The following C9orf153 variants were observed in gnomAD, a reference collection of about 807,000 sequenced individuals.
C9orf153 encodes the protein chromosome 9 open reading frame 153, also known as uncharacterized protein C9orf153.
Under a neutral mutation model 9.0 loss-of-function variants are expected in C9orf153, and 10 were observed. The ratio of observed to expected loss-of-function variants is 1.11; its 90% CI spans 0.69 to 1.89. C9orf153 has a LOEUF of 1.89. C9orf153 is among the 40% of genes most tolerant of loss of function. The pLI, the probability that C9orf153 is intolerant of heterozygous loss-of-function variation, is 0.00. For missense variants in C9orf153, 108 were observed against 111.0 expected, an observed-to-expected ratio of 0.97 and a Z score of 0.12; for synonymous variants, 35 against 37.3, an observed-to-expected ratio of 0.94 and a Z score of 0.23.
intron 1 of C9orf153, among the ~76,000 whole-genome samples, chr9:86,257,797 G>A (rs557434861): frequency 6.6e-6 from 1 of 152,170 alleles, no homozygotes; most frequent in Non-Finnish European, 1.5e-5. Context: ...AAAAGTCTGT[G>A]GTCTTGGCCA....
chr9:86,224,902 C>G (rs1824288218), intron 3 of C9orf153, among the ~76,000 whole-genome samples: 1 of 138,180 alleles, frequency 7.2e-6, no homozygotes, highest in South Asian at 2.3e-4. Flanking sequence ...GATTGTGCCA[C>G]TGCACTCCAG....
At chr9:86,222,097 A>T (rs567944345) in intron 3 of C9orf153, among the ~76,000 whole-genome samples, 2 of 152,114 alleles carry the variant, frequency 1.3e-5, no homozygotes, top group Non-Finnish European at 2.9e-5. Flanking sequence ...CATGTTGGCC[A>T]GGCTAGTCTC....
chr9:86,225,290 A>C (rs915391618), intron 3 of C9orf153, among the ~76,000 whole-genome samples: 3 of 152,028 alleles, frequency 2.0e-5, no homozygotes, highest in Non-Finnish European at 2.9e-5. Context: ...CTTCACTTAG[A>C]TTCCTGCCTG....
At chr9:86,248,541 G>A (rs950471130) in intron 1 of C9orf153, among the ~76,000 whole-genome samples, 2 of 152,122 alleles carry the variant, frequency 1.3e-5, no homozygotes, top group African/African-American at 4.8e-5. Context: ...TGTACACAAA[G>A]GGTCTCATTT....
At chr9:86,243,907 G>C (rs1314948186) in intron 1 of C9orf153, among the ~76,000 whole-genome samples, 1 of 152,182 alleles carries the variant, frequency 6.6e-6, no homozygotes, top group Non-Finnish European at 1.5e-5. Context: ...CTATGGCCTA[G>C]ATCTGCATGA....
chr9:86,233,953 C>T (rs1009547368), intron 1 of C9orf153, among the ~76,000 whole-genome samples: 2 of 151,984 alleles, frequency 1.3e-5, no homozygotes, highest in African/African-American at 4.8e-5. Context: ...CATGGTGGTG[C>T]ATCCCTGTAG....
At chr9:86,255,392 G>A (rs914376741) in intron 1 of C9orf153, among the ~76,000 whole-genome samples, 2 of 152,152 alleles carry the variant, frequency 1.3e-5, no homozygotes, top group Non-Finnish European at 2.9e-5. Context: ...GATTTGCATC[G>A]TACACAATCT....
chr9:86,251,022 T>C (rs1199141202), intron 1 of C9orf153, among the ~76,000 whole-genome samples: 1 of 152,192 alleles, frequency 6.6e-6, no homozygotes, highest in Non-Finnish European at 1.5e-5. Flanking sequence ...CCCTACCAAA[T>C]AGTTGAGACT....
chr9:86,233,973 C>T (rs1434226734), intron 1 of C9orf153, among the ~76,000 whole-genome samples: 1 of 151,960 alleles, frequency 6.6e-6, no homozygotes, highest in Non-Finnish European at 1.5e-5. Flanking sequence ...GTCCCAGCTA[C>T]TCGGGAGGCT....
chr9:86,241,959 T>G (rs889877934), intron 1 of C9orf153, among the ~76,000 whole-genome samples: 2 of 152,154 alleles, frequency 1.3e-5, no homozygotes, highest in Non-Finnish European at 1.5e-5. Context: ...AAGGGGGAAC[T>G]TATAGAACAT....
intron 1 of C9orf153, among the ~76,000 whole-genome samples, chr9:86,250,413 C>T (rs1338854108): frequency 6.6e-6 from 1 of 152,048 alleles, no homozygotes; most frequent in Admixed American, 6.6e-5. Context: ...GTCACAGAGG[C>T]CTTGAGGCTT....
chr9:86,258,598 T>G (rs1369206784), intron 1 of C9orf153: 1 of 152,162 alleles, frequency 6.6e-6, no homozygotes, highest in East Asian at 1.9e-4. Context: ...AAATTAACCC[T>G]GGCCATCAGT....
chr9:86,247,520 A>T (rs1824895950), intron 1 of C9orf153, among the ~76,000 whole-genome samples: 1 of 152,016 alleles, frequency 6.6e-6, no homozygotes. Flanking sequence ...TATCTCTACA[A>T]AAAATACAAA....
intron 1 of C9orf153, among the ~76,000 whole-genome samples, chr9:86,241,635 T>G (rs1256769876): frequency 6.6e-6 from 1 of 151,048 alleles, no homozygotes; most frequent in Non-Finnish European, 1.5e-5. Context: ...TTCGTTGTTT[T>G]TTTTTTCTGG....
chr9:86,241,215 C>A (rs112366436), intron 1 of C9orf153, among the ~76,000 whole-genome samples: 1 of 152,168 alleles, frequency 6.6e-6, no homozygotes, highest in African/African-American at 2.4e-5. Flanking sequence ...ACTATTTTTA[C>A]AGGAACGTGT....
intron 1 of C9orf153, among the ~76,000 whole-genome samples, chr9:86,239,254 T>G (rs1824674874): frequency 7.2e-6 from 1 of 139,318 alleles, no homozygotes; most frequent in African/African-American, 3.0e-5. Flanking sequence ...AGTGAGACTC[T>G]GTTAAAAAAA....
At chr9:86,225,397 TTC>T (rs1267156748) in intron 3 of C9orf153, among the ~76,000 whole-genome samples, 9 of 133,240 alleles carry the variant, frequency 6.8e-5, no homozygotes, top group South Asian at 2.7e-4. Flanking sequence ...GTTTCTTTCT[TTC>T]TCTCTCTCTC....
At chr9:86,229,057 C>A in intron 2 of C9orf153, 1 of 170,796 alleles carries the variant, frequency 5.9e-6, no homozygotes, top group East Asian at 1.7e-4. Context: ...TTAGTTTACC[C>A]CAAATTGTGT....
At chr9:86,259,220 A>G (rs569576681) in intron 1 of C9orf153, among the ~76,000 whole-genome samples, 7 of 152,052 alleles carry the variant, frequency 4.6e-5, no homozygotes, top group Non-Finnish European at 8.8e-5. Flanking sequence ...CCAAGCATCC[A>G]TGGGAACACA....
Sources: allele counts gnomAD v4.1 joint callset (sites outside exome capture counted in the v4.1 genomes callset), GRCh38; gene constraint gnomAD v4.1.1; transcripts MANE v1.5; gene names NCBI Gene and HGNC (gene_info 2026-07-23, HGNC 2026-07-21).